PPP1R1C: variants seen among roughly 807,000 people sequenced by gnomAD.
The protein encoded by PPP1R1C is protein phosphatase 1 regulatory inhibitor subunit 1C.
PPP1R1C carries 15 observed loss-of-function variants against 17.4 expected under a neutral mutation model. The observed-to-expected ratio is 0.86, with a 90% confidence interval of 0.58 to 1.33. The LOEUF is 1.33. PPP1R1C is among the 40% of genes most tolerant of loss of function. The probability of loss-of-function intolerance (pLI) is 0.00; values close to 1 mark genes in which losing one functional copy is unlikely to be tolerated. For synonymous variants in PPP1R1C, 35 were observed against 43.1 expected (o/e 0.81, Z 0.73); for missense variants, 143 against 130.0 (o/e 1.10, Z -0.48).
intron 2 of PPP1R1C, 74 bp downstream of exon 2, chr2:181,987,973 T>G: frequency 7.8e-7 from 1 of 1,273,996 alleles, no homozygotes. Context: ...GTACATGTCG[T>G]ACTGAAAAGT....
intron 2 of PPP1R1C, among the ~76,000 whole-genome samples, chr2:182,037,067 A>G (rs1295560346): frequency 1.3e-5 from 2 of 152,376 alleles, no homozygotes; most frequent in African/African-American, 2.4e-5. Context: ...ATAACATACC[A>G]TTAAACATAT....
intron 2 of PPP1R1C, among the ~76,000 whole-genome samples, chr2:181,997,118 A>G (rs887167723): frequency 1.3e-5 from 2 of 151,370 alleles, no homozygotes; most frequent in Non-Finnish European, 2.9e-5. Flanking sequence ...TGTCCCAGCT[A>G]CTCCGGAGGC....
At chr2:182,118,743 T>C (rs573544854), downstream of PPP1R1C, among the ~76,000 whole-genome samples, 4 of 152,030 alleles carry the variant, frequency 2.6e-5, no homozygotes, top group Admixed American at 1.3e-4. Context: ...GCATACCACA[T>C]GTATAAATGA....
chr2:182,049,075 G>C (rs1687429058), intron 2 of PPP1R1C, among the ~76,000 whole-genome samples: 1 of 152,166 alleles, frequency 6.6e-6, no homozygotes, highest in Non-Finnish European at 1.5e-5. Context: ...GCTCACGCCT[G>C]TAATCCCAGA....
intron 4 of PPP1R1C, among the ~76,000 whole-genome samples, chr2:182,069,932 T>C (rs950318556): frequency 2.0e-5 from 3 of 152,154 alleles, no homozygotes; most frequent in Non-Finnish European, 4.4e-5. Flanking sequence ...ACTGCCACAA[T>C]CACATATGAG....
At chr2:182,047,049 C>G (rs922056016) in intron 2 of PPP1R1C, among the ~76,000 whole-genome samples, 1 of 152,124 alleles carries the variant, frequency 6.6e-6, no homozygotes, top group African/African-American at 2.4e-5. Flanking sequence ...AATTCCAGTG[C>G]CTCTCAGAAC....
chr2:182,070,592 G>A (rs937991026), intron 4 of PPP1R1C, among the ~76,000 whole-genome samples: 47 of 152,164 alleles, frequency 3.1e-4, no homozygotes, highest in African/African-American at 1.1e-3. Context: ...AGTACAGAGA[G>A]TTTTCATATA....
At chr2:182,014,601 C>T (rs1686202373) in intron 2 of PPP1R1C, among the ~76,000 whole-genome samples, 1 of 151,958 alleles carries the variant, frequency 6.6e-6, no homozygotes, top group Non-Finnish European at 1.5e-5. Context: ...GTGGCGAATC[C>T]AGCCAGGCTG....
At chr2:181,982,499 G>A (rs1041739593), upstream of PPP1R1C, among the ~76,000 whole-genome samples, 2 of 152,146 alleles carry the variant, frequency 1.3e-5, no homozygotes, top group African/African-American at 4.8e-5. Context: ...TCTAGGAGAA[G>A]AGGCAAAAGA....
intron 4 of PPP1R1C, among the ~76,000 whole-genome samples, chr2:182,096,785 C>CTTGATA (rs1688953783): frequency 2.0e-5 from 3 of 152,196 alleles, no homozygotes; most frequent in African/African-American, 7.2e-5. Flanking sequence ...GCCACCCACA[C>CTTGATA]ACACATTTGT....
chr2:182,021,843 C>A (rs544668503), intron 2 of PPP1R1C, among the ~76,000 whole-genome samples: 2 of 152,266 alleles, frequency 1.3e-5, no homozygotes, highest in African/African-American at 4.8e-5. Flanking sequence ...AGAAAGTGGT[C>A]ATTTTAAAGA....
intron 2 of PPP1R1C, among the ~76,000 whole-genome samples, chr2:182,014,156 C>T (rs572584662): frequency 6.6e-6 from 1 of 152,186 alleles, no homozygotes; most frequent in South Asian, 2.1e-4. Flanking sequence ...TATAGTCTAA[C>T]CTTGTTTGTA....
At chr2:182,024,804 G>C (rs1173340974) in intron 2 of PPP1R1C, among the ~76,000 whole-genome samples, 1 of 151,872 alleles carries the variant, frequency 6.6e-6, no homozygotes, top group East Asian at 1.9e-4. Flanking sequence ...GCAGTGAGCT[G>C]AGATCATGCC....
At chr2:182,051,783 T>C (rs1687525847) in intron 2 of PPP1R1C, among the ~76,000 whole-genome samples, 1 of 152,206 alleles carries the variant, frequency 6.6e-6, no homozygotes, top group African/African-American at 2.4e-5. Context: ...TTTTTGATAT[T>C]AGAGTGTATA....
intron 2 of PPP1R1C, among the ~76,000 whole-genome samples, chr2:181,989,141 T>C (rs1685385292): frequency 6.6e-6 from 1 of 152,202 alleles, no homozygotes; most frequent in Non-Finnish European, 1.5e-5. Context: ...ATTTCTGTAA[T>C]GTCCTAAAAC....
intron 1 of PPP1R1C, among the ~76,000 whole-genome samples, chr2:181,964,135 A>G (rs1411304043): frequency 6.6e-6 from 1 of 152,334 alleles, no homozygotes; most frequent in East Asian, 1.9e-4. Flanking sequence ...GCCTCTTGTA[A>G]CCATCATTCT....
upstream of PPP1R1C, among the ~76,000 whole-genome samples, chr2:181,984,781 C>A (rs1221886701): frequency 1.3e-5 from 2 of 152,076 alleles, no homozygotes; most frequent in African/African-American, 4.8e-5. Flanking sequence ...TTAAGTACAT[C>A]CAAAAACATA....
intron 3 of PPP1R1C, 22 bp downstream of exon 3, chr2:182,061,501 G>A (rs1687849881): frequency 1.4e-6 from 2 of 1,422,050 alleles, no homozygotes; most frequent in African/African-American, 1.5e-5. Flanking sequence ...AAAATATTTT[G>A]TATAAATGTG....
At chr2:182,020,126 A>G (rs765071981) in intron 2 of PPP1R1C, among the ~76,000 whole-genome samples, 4 of 152,242 alleles carry the variant, frequency 2.6e-5, no homozygotes, top group Admixed American at 1.3e-4. Context: ...GTAAAGATTT[A>G]AAGGACTACA....
Sources: gnomAD v4.1 joint callset for allele counts (sites outside exome capture counted in the v4.1 genomes callset) on GRCh38, gnomAD v4.1.1 for gene constraint, MANE v1.5 for transcripts, NCBI Gene and HGNC (gene_info 2026-07-23, HGNC 2026-07-21) for gene names.